The following KCNQ1 variants were observed in gnomAD, a reference collection of about 807,000 sequenced individuals.
The protein encoded by KCNQ1 is potassium voltage-gated channel subfamily KQT member 1.
Under a neutral mutation model 72.4 loss-of-function variants are expected in KCNQ1, and 49 were observed. The observed-to-expected ratio is 0.68, with a 90% CI of 0.54 to 0.86. The LOEUF (loss-of-function observed/expected upper bound fraction) is 0.86. KCNQ1 is among the 40% of genes least tolerant of loss of function. The pLI, the probability that KCNQ1 is intolerant of heterozygous loss-of-function variation, is 0.00. For synonymous variants in KCNQ1, 450 were observed against 412.6 expected (o/e 1.09, Z -1.10); for missense variants, 790 against 945.1 (o/e 0.84, Z 2.15).
Position 2,588,898 on chromosome 11 carries a change from T to C in KCNQ1, c.1393+44T>C, listed in dbSNP as rs374503511. On this transcript the variant is annotated intron_variant, in intron 10 of 15. Coordinates refer to ENST00000155840, the MANE Select transcript of KCNQ1 (RefSeq NM_000218.3). This position sits in a 1 kb window ranked among gnomAD's most constrained non-coding sequence, Gnocchi z 5.6. The stretch of plus-strand genomic sequence containing the variant: ...GTTGGGGGCCGCGGGGCCGGGAAGG[T>C]CACTGCCTTTTTTGGGAGCCCGAGC... 179 of 1,605,106 alleles carry C rather than the reference T, an allele frequency of 1.1e-4. No homozygotes were observed. The African/African-American group carries it at 2.3e-3, about 21-fold the overall frequency.
chr11:2,842,535 G>A (rs1848234528), intron 15 of KCNQ1, among the ~76,000 whole-genome samples: 1 of 152,214 alleles, frequency 6.6e-6, no homozygotes, highest in South Asian at 2.1e-4. Flanking sequence ...TCCAACCCTT[G>A]GGCAGCCCAG....
In KCNQ1 at chr11:2,572,905, G is replaced by C; in HGVS notation, c.840G>C (p.Val280=). The C allele has an allele frequency of 6.2e-7, 1 of 1,613,862 alleles. No individual in the cohort carries two copies. Among genetic ancestry groups the C allele is most frequent in the Non-Finnish European group, 8.5e-7 (1 of 1,180,028 alleles). The change falls in exon 6 of 16, where the codon GTG becomes GTC. Residue 280 remains valine, a synonymous_variant. Transcript: ENST00000155840. ...GCCTCATCTTCTCCTCGTACTTTGT[G>C]TACCTGGCTGAGAAGGACGCGGTGA... is the stretch of plus-strand genomic sequence containing the variant. The part of the protein sequence containing the change: ...FLGLIFSSYF[V]YLAEKDAVNE...
At chr11:2,760,114 C>T (rs1248435641) in intron 11 of KCNQ1, among the ~76,000 whole-genome samples, 1 of 152,226 alleles carries the variant, frequency 6.6e-6, no homozygotes, top group Non-Finnish European at 1.5e-5. Flanking sequence ...CCTTGGGCAG[C>T]CCAGCAGCCC....
chr11:2,843,694 G>A (rs765410323), intron 15 of KCNQ1, among the ~76,000 whole-genome samples: 23 of 152,254 alleles, frequency 1.5e-4, no homozygotes, highest in African/African-American at 2.2e-4. Flanking sequence ...TCTTTTTCAA[G>A]ATTTTCTTTT....
At position 2,621,910 on chromosome 11, in the gene KCNQ1, C is replaced by T; in HGVS notation, c.1393+33056C>T. 2.5e-6 allele frequency: 1 copy of T among 398,102 alleles called. No individual in the cohort carries two copies. Among genetic ancestry groups the T allele is most frequent in the Non-Finnish European group, 4.4e-6 (1 of 225,872 alleles). The allele number at this position is 398,102 out of a possible 1,614,324, so 24.7% of individuals were successfully genotyped here. The stretch of plus-strand genomic sequence containing the variant: ...GATCTTTATTATTTCCTTCTGTTAA[C>T]TTTGGCTTTAGTTTGTTCTTCTTTT... On this transcript the variant is annotated intron_variant, in intron 10 of 15. Transcript: ENST00000155840. This position sits in a 1 kb window ranked among gnomAD's most constrained non-coding sequence, Gnocchi z 5.7.
chr11:2,765,985 A>G (rs1041728700), intron 11 of KCNQ1, among the ~76,000 whole-genome samples: 1 of 151,730 alleles, frequency 6.6e-6, no homozygotes, highest in Admixed American at 6.6e-5. Flanking sequence ...TTTTCTTTTC[A>G]TGCTCCAAGC....
Position 2,516,184 on chromosome 11 carries a change from C to T in KCNQ1, c.387-11744C>T, listed in dbSNP as rs1847285845. On this transcript the variant is annotated intron_variant, in intron 1 of 15. Coordinates refer to ENST00000155840, the MANE Select transcript of KCNQ1 (RefSeq NM_000218.3). This position sits in a 1 kb window ranked among gnomAD's most constrained non-coding sequence, Gnocchi z 7.0. Reference sequence around the variant, plus strand: ...GATGCTGTCAGGGAGACCCGGAGTCCAGTTCTCGCCAACCGCTCGATGCTG... The same window carrying T: ...GATGCTGTCAGGGAGACCCGGAGTCTAGTTCTCGCCAACCGCTCGATGCTG... Among the ~76,000 whole-genome samples the T allele has an allele frequency of 6.6e-6, 1 of 152,056 alleles. No homozygotes were observed. The highest frequency in any genetic ancestry group is 2.1e-4 in the South Asian group (1 of 4,816).
rs1211203202 is a variant in KCNQ1 at position 2,690,631 on chromosome 11, CAG to C, written c.1514+28552_1514+28553del. 43 of 398,494 alleles carry C rather than the reference CAG, an allele frequency of 1.1e-4. No homozygotes were observed. The highest frequency in any genetic ancestry group is 1.5e-4 in the Non-Finnish European group (35 of 226,090). 24.7% of individuals were successfully genotyped at this position (398,494 alleles called of 1,614,324 possible). ...CATATGTGCATGTTCATATATGTGT[CAG>C]AATGCGTATTTGTCAGTGTATGTGT... On this transcript the variant is annotated intron_variant, in intron 11 of 15. Transcript: ENST00000155840. The surrounding 1 kb of genome is among the most constrained non-coding windows in gnomAD (Gnocchi z 5.1).
chr11:2,842,303 G>A (rs764226273), intron 15 of KCNQ1, among the ~76,000 whole-genome samples: 1 of 152,214 alleles, frequency 6.6e-6, no homozygotes, highest in Non-Finnish European at 1.5e-5. Context: ...GGGAGCAGCT[G>A]GTATGTGTGT....
At chr11:2,619,533 T>A (rs1205996147) in intron 10 of KCNQ1, 2 of 398,588 alleles carry the variant, frequency 5.0e-6, no homozygotes, top group East Asian at 7.1e-5. Context: ...ACATGATATA[T>A]AATCTTTTTG....
Position 2,598,340 on chromosome 11 carries a change from CTG to C in KCNQ1, c.1393+9488_1393+9489del, listed in dbSNP as rs1460828817. 1.3e-5 allele frequency among the ~76,000 whole-genome samples: 2 copies of C among 152,062 alleles called. No homozygotes were observed. Among genetic ancestry groups the C allele is most frequent in the Non-Finnish European group, 2.9e-5 (2 of 67,994 alleles). ...ATTTTTAAGCAGTAAATTTTTATCA[CTG>C]TTATTTATTTCTAATTTAGTAGGCT... On this transcript the variant is annotated intron_variant, in intron 10 of 15. Transcript: ENST00000155840. The surrounding 1 kb of genome is among the most constrained non-coding windows in gnomAD (Gnocchi z 6.2).
Position 2,623,556 on chromosome 11 carries a change from T to C in KCNQ1, c.1393+34702T>C. 1 of 398,558 alleles carries C rather than the reference T, an allele frequency of 2.5e-6. No homozygotes were observed. The highest frequency in any genetic ancestry group is 4.4e-6 in the Non-Finnish European group (1 of 226,040). The allele number at this position is 398,558 out of a possible 1,614,324, so 24.7% of individuals were successfully genotyped here. ...CTTCAGATTGCCTTATTTCACATAGTAATATGTTTTTTAATTACCTCCATA... is the reference window on the plus strand; with the variant it reads ...CTTCAGATTGCCTTATTTCACATAGCAATATGTTTTTTAATTACCTCCATA... On this transcript the variant is annotated intron_variant, in intron 10 of 15. Coordinates refer to ENST00000155840, the MANE Select transcript of KCNQ1 (RefSeq NM_000218.3). The surrounding 1 kb of genome is among the most constrained non-coding windows in gnomAD (Gnocchi z 5.2).
Position 2,686,231 on chromosome 11 carries a change from C to T in KCNQ1, c.1514+24150C>T, listed in dbSNP as rs192544617. 1.5e-5 allele frequency: 6 copies of T among 398,774 alleles called. No homozygotes were observed. The East Asian group carries it at 2.1e-4, about 14-fold the overall frequency. 24.7% of individuals were successfully genotyped at this position (398,774 alleles called of 1,614,324 possible). A position where few individuals can be genotyped will look rare whatever the true frequency, so the allele number is the denominator to read the frequency against. ...CCAACCTAGCTGTGTGACCTTTAGGCCTTGGGATAGCACACAGCAAATGTC... is the reference window on the plus strand; with the variant it reads ...CCAACCTAGCTGTGTGACCTTTAGGTCTTGGGATAGCACACAGCAAATGTC... On this transcript the variant is annotated intron_variant, in intron 11 of 15. Transcript: ENST00000155840.
intron 2 of KCNQ1, among the ~76,000 whole-genome samples, chr11:2,542,034 G>A (rs1564811344): frequency 6.6e-6 from 1 of 152,204 alleles, no homozygotes; most frequent in South Asian, 2.1e-4. Flanking sequence ...CCATGGCCCT[G>A]GAGCCTGGGA....
chr11:2,667,312 T>C (rs1169651156), intron 11 of KCNQ1: 5 of 398,470 alleles, frequency 1.3e-5, no homozygotes, highest in East Asian at 3.6e-5. Context: ...TCTAGGTGGA[T>C]GGCCCAGAAG....
In KCNQ1 at chr11:2,699,735, C is replaced by T. The variant is rs1034860229; in HGVS notation, c.1514+37654C>T. ...GCCGAGGAGTCCCCGGGGAGAACTG[C>T]GCCGAGGAGCCCCCAGAAGAGCGCC... On this transcript the variant is annotated intron_variant, in intron 11 of 15. Transcript: ENST00000155840. 8 of 344,510 alleles carry T rather than the reference C, an allele frequency of 2.3e-5. No individual in the cohort carries two copies. The East Asian group carries it at 2.6e-4, about 11-fold the overall frequency. The allele number at this position is 344,510 out of a possible 1,614,324, so 21.3% of individuals were successfully genotyped here.
chr11:2,574,290 C>T (rs1273792412), intron 6 of KCNQ1, among the ~76,000 whole-genome samples: 1 of 152,202 alleles, frequency 6.6e-6, no homozygotes, highest in African/African-American at 2.4e-5. Context: ...GTGACCCCTA[C>T]TCTGCCGCCA....
In KCNQ1 at chr11:2,647,672, T is replaced by C. The variant is rs755669651; in HGVS notation, c.1394-14289T>C. 10 of 398,424 alleles carry C rather than the reference T, an allele frequency of 2.5e-5. No homozygotes were observed. The highest frequency in any genetic ancestry group is 4.0e-5 in the Non-Finnish European group (9 of 226,048). 24.7% of individuals were successfully genotyped at this position (398,424 alleles called of 1,614,324 possible). On this transcript the variant is annotated intron_variant, in intron 10 of 15. Transcript: ENST00000155840. The surrounding 1 kb of genome is among the most constrained non-coding windows in gnomAD (Gnocchi z 4.0). Reference sequence around the variant, plus strand: ...GACTTTATTACTGATACAATCTCATTCCTTGTTATTGCTCTGTTCAGATTT... The same window carrying C: ...GACTTTATTACTGATACAATCTCATCCCTTGTTATTGCTCTGTTCAGATTT...
At chr11:2,665,116 C>T (rs945523624) in intron 11 of KCNQ1, 1 of 398,480 alleles carries the variant, frequency 2.5e-6, no homozygotes, top group African/African-American at 2.1e-5. Flanking sequence ...CGCTGCACCC[C>T]AGCCTATAGG....
Sources: gnomAD v4.1 joint callset for allele counts (sites outside exome capture counted in the v4.1 genomes callset) on GRCh38, gnomAD v4.1.1 for gene constraint, Gnocchi (gnomAD v3.1) non-coding constraint, MANE v1.5 for transcripts, NCBI Gene and HGNC (gene_info 2026-07-23, HGNC 2026-07-21) for gene names.